Variants in DGKB observed in about 807,000 individuals in gnomAD.
The protein encoded by DGKB is 90 kDa diacylglycerol kinase.
A neutral mutation model predicts 114.3 loss-of-function variants in DGKB; 67 were observed. The ratio of observed to expected loss-of-function variants is 0.59; its 90% CI spans 0.48 to 0.72. The LOEUF is 0.72. Among genes scored for constraint, DGKB ranks in the 30% least tolerant of loss-of-function variants. The pLI is 0.00. For synonymous variants in DGKB, 398 were observed against 323.1 expected (o/e 1.23, Z -2.49); for missense variants, 907 against 975.2 (o/e 0.93, Z 0.93).
intron 15 of DGKB, among the ~76,000 whole-genome samples, chr7:14,616,617 A>C (rs1372178207): frequency 1.3e-5 from 2 of 151,866 alleles, no homozygotes; most frequent in East Asian, 3.9e-4. Context: ...TTTGAAGTAC[A>C]TATATTTATA....
chr7:14,722,891 C>CT (rs549586729), intron 5 of DGKB, among the ~76,000 whole-genome samples: 187 of 152,038 alleles, frequency 1.2e-3, no homozygotes, highest in Non-Finnish European at 1.8e-3. Context: ...GATCAGCCCA[C>CT]TTTTTTTAAA....
rs182384264 is a variant in DGKB at position 14,408,868 on chromosome 7, C to T, written c.1836-63477G>A. Among the ~76,000 whole-genome samples, 4 of 151,788 alleles carry T rather than the reference C, an allele frequency of 2.6e-5. No individual in the cohort carries two copies. The East Asian group carries it at 7.8e-4, about 29-fold the overall frequency. ...AAAACTCACAGATGAGCCCTATAAC[C>T]TAGAAATATGGAAAAACATGAAGAA... On this transcript the variant is annotated intron_variant, in intron 21 of 25. Transcript: ENST00000402815.
At chr7:14,762,551 A>C (rs1198347104) in intron 2 of DGKB, among the ~76,000 whole-genome samples, 1 of 152,178 alleles carries the variant, frequency 6.6e-6, no homozygotes, top group East Asian at 1.9e-4. Context: ...ACGTTTAGAA[A>C]ATGCAAATAG....
At chr7:14,778,634 A>C (rs1342127975) in intron 2 of DGKB, among the ~76,000 whole-genome samples, 2 of 152,216 alleles carry the variant, frequency 1.3e-5, no homozygotes, top group Non-Finnish European at 1.5e-5. Context: ...TTGAGGTCTC[A>C]TGCAAAGTTT....
chr7:14,725,415 A>C (rs1829871227), intron 5 of DGKB, among the ~76,000 whole-genome samples: 2 of 152,192 alleles, frequency 1.3e-5, no homozygotes. Context: ...AAAATAATTA[A>C]ACCACCACAT....
intron 21 of DGKB, among the ~76,000 whole-genome samples, chr7:14,435,555 C>A (rs196753): frequency 4.6e-5 from 7 of 152,050 alleles, no homozygotes; most frequent in Non-Finnish European, 1.0e-4. Context: ...TAATAAACTT[C>A]AAATAAATGT....
intron 21 of DGKB, among the ~76,000 whole-genome samples, chr7:14,378,148 T>G (rs1030728347): frequency 1.3e-5 from 2 of 152,176 alleles, no homozygotes; most frequent in African/African-American, 4.8e-5. Flanking sequence ...ATGAAAGACT[T>G]CCACTGAAAG....
intron 21 of DGKB, among the ~76,000 whole-genome samples, chr7:14,359,856 A>ACTTTCTGGTGTAAGCACT (rs1182034600): frequency 6.6e-6 from 1 of 152,180 alleles, no homozygotes; most frequent in Non-Finnish European, 1.5e-5. Flanking sequence ...ATGCTTTTAC[A>ACTTTCTGGTGTAAGCACT]CTGGTGGTGG....
At chr7:14,515,486 GT>G (rs1300988531) in intron 20 of DGKB, among the ~76,000 whole-genome samples, 1 of 152,058 alleles carries the variant, frequency 6.6e-6, no homozygotes, top group Admixed American at 6.6e-5. Flanking sequence ...AATCTAACAT[GT>G]TTAATAATTA....
chr7:14,707,187 A>T (rs1826431913), intron 6 of DGKB, among the ~76,000 whole-genome samples: 1 of 127,508 alleles, frequency 7.8e-6, no homozygotes, highest in African/African-American at 3.0e-5. Context: ...TACTACAAAC[A>T]CCTCTATGCA....
chr7:14,697,409 C>G (rs1824142357), intron 8 of DGKB, among the ~76,000 whole-genome samples: 4 of 152,100 alleles, frequency 2.6e-5, no homozygotes. Context: ...CTACCATCTT[C>G]TTTTATGGCA....
chr7:14,872,086 T>C (rs1852555345), intron 1 of DGKB, among the ~76,000 whole-genome samples: 1 of 152,122 alleles, frequency 6.6e-6, no homozygotes, highest in Non-Finnish European at 1.5e-5. Context: ...GATCTAAAAA[T>C]AAATATGAAT....
intron 21 of DGKB, among the ~76,000 whole-genome samples, chr7:14,381,604 T>A (rs1309759560): frequency 3.9e-5 from 6 of 152,152 alleles, no homozygotes; most frequent in African/African-American, 1.4e-4. Context: ...TCTTCCCCAG[T>A]TTCCTCTTGC....
chr7:14,806,660 G>C (rs1586640120), intron 2 of DGKB, among the ~76,000 whole-genome samples: 2 of 151,940 alleles, frequency 1.3e-5, no homozygotes, highest in Admixed American at 6.6e-5. Flanking sequence ...TTTTTCTGTA[G>C]TACCTTGTAA....
chr7:14,678,093 T>G (rs1525078), intron 12 of DGKB, among the ~76,000 whole-genome samples: 89,471 of 151,894 alleles, frequency 0.59, 27,522 homozygotes, highest in East Asian at 0.92. Context: ...ACTTAAATAG[T>G]ACATATGTTT....
intron 21 of DGKB, among the ~76,000 whole-genome samples, chr7:14,444,877 T>C (rs1243704858): frequency 6.6e-6 from 1 of 151,830 alleles, no homozygotes; most frequent in Admixed American, 6.6e-5. Flanking sequence ...AAAATATAAA[T>C]AATATACTGT....
chr7:14,424,560 G>A (rs918136988), intron 21 of DGKB, among the ~76,000 whole-genome samples: 1 of 151,830 alleles, frequency 6.6e-6, no homozygotes, highest in East Asian at 1.9e-4. Flanking sequence ...TATTATATCT[G>A]CTATTTCATA....
At chr7:14,154,541 A>C (rs573231172) in intron 25 of DGKB, among the ~76,000 whole-genome samples, 2 of 151,992 alleles carry the variant, frequency 1.3e-5, no homozygotes, top group Non-Finnish European at 2.9e-5. Context: ...CGAAATGCTT[A>C]GACTGTTACC....
intron 23 of DGKB, among the ~76,000 whole-genome samples, chr7:14,328,130 A>G (rs186265713): frequency 5.9e-5 from 9 of 152,242 alleles, no homozygotes; most frequent in Admixed American, 5.2e-4. Flanking sequence ...TTCTTCTAAC[A>G]GGATACTCTG....
Sources: gnomAD v4.1 joint callset for allele counts (sites outside exome capture counted in the v4.1 genomes callset) on GRCh38, gnomAD v4.1.1 for gene constraint, MANE v1.5 for transcripts, NCBI Gene and HGNC (gene_info 2026-07-23, HGNC 2026-07-21) for gene names.